Variants in MICU2 observed in about 807,000 individuals in gnomAD.
MICU2 encodes the protein calcium uptake protein 2, mitochondrial.
MICU2 carries 64 observed loss-of-function variants against 60.4 expected under a neutral mutation model. The ratio of observed to expected loss-of-function variants is 1.06; its 90% CI spans 0.87 to 1.31. The LOEUF (loss-of-function observed/expected upper bound fraction) is 1.31. Ranked by LOEUF, MICU2 falls within the 50% of genes most tolerant of loss-of-function variation. The pLI, the probability that MICU2 is intolerant of heterozygous loss-of-function variation, is 0.00. For synonymous variants in MICU2, 201 were observed against 175.0 expected (o/e 1.15, Z -1.17); for missense variants, 569 against 531.0 (o/e 1.07, Z -0.70).
chr13:21,588,071 G>C (rs1888497874), intron 1 of MICU2, among the ~76,000 whole-genome samples: 1 of 152,110 alleles, frequency 6.6e-6, no homozygotes, highest in Non-Finnish European at 1.5e-5. Context: ...CCCCGATGTA[G>C]AGCTTTTATG....
rs1394229203 is a variant in MICU2, at chr13:21,604,070, G to A, written c.79C>T (p.Gln27Ter). The change falls in exon 1 of 12, where the codon CAG becomes TAG. Residue 27 changes from glutamine to a stop codon, truncating the protein, a stop_gained. Transcript: ENST00000382374. LOFTEE classifies it high-confidence loss of function. ...KLRRGLAVSRQAVRSPGPLAA... is the reference protein window; with the variant it reads ...KLRRGLAVSR Reference sequence around the variant, plus strand: ...AAGGGGCCGGGACTCCGCACAGCCTGTCGGCTGACAGCGAGCCCCCGTCGC... The same window carrying A: ...AAGGGGCCGGGACTCCGCACAGCCTATCGGCTGACAGCGAGCCCCCGTCGC... The A allele has an allele frequency of 6.2e-7, 1 of 1,602,018 alleles. No homozygotes were observed.
chr13:21,541,813 C>T (rs1004345721), intron 2 of MICU2, among the ~76,000 whole-genome samples: 12 of 152,074 alleles, frequency 7.9e-5, no homozygotes, highest in African/African-American at 2.7e-4. Context: ...AGTTTTGCTG[C>T]TTTTCATTAT....
At chr13:21,556,220 A>G (rs1419123883) in intron 2 of MICU2, among the ~76,000 whole-genome samples, 1 of 152,176 alleles carries the variant, frequency 6.6e-6, no homozygotes, top group Non-Finnish European at 1.5e-5. Context: ...GCCAAATCTA[A>G]TGGTCAATTC....
chr13:21,564,804 T>C (rs887701075), intron 2 of MICU2, among the ~76,000 whole-genome samples: 4 of 152,212 alleles, frequency 2.6e-5, no homozygotes, highest in Non-Finnish European at 5.9e-5. Context: ...AGATCTTCAC[T>C]GTGAGAACCT....
At chr13:21,498,369 CTTTTTTTTTTTTTTTTT>C (rs34890922) in intron 9 of MICU2, among the ~76,000 whole-genome samples, 2,264 of 78,754 alleles carry the variant, frequency 0.029, 94 homozygotes, top group African/African-American at 0.12. Context: ...ATATCCTATT[CTTTTTTTTTTTTTTTTT>C]TTTTTTTTTT....
chr13:21,525,913 C>CTTATTTAT lies in MICU2; in HGVS notation c.467-3271_467-3264dup, dbSNP rs60527711. Among the ~76,000 whole-genome samples the CTTATTTAT allele has an allele frequency of 8.7e-3, 1,258 of 144,300 alleles. 19 individuals carry two copies. Among genetic ancestry groups the CTTATTTAT allele is most frequent in the African/African-American group, 0.028 (1,095 of 39,056 alleles). The allele number at this position is 144,300 out of a possible 152,430, so 94.7% of individuals were successfully genotyped here. A position where few individuals can be genotyped will look rare whatever the true frequency, so the allele number is the denominator to read the frequency against. ...CAAATGTTCTTAATTGTGATGTAGT[C>CTTATTTAT]TTATTTATTTATTTATTTATTTATT... On this transcript the variant is annotated intron_variant, in intron 4 of 11. Coordinates refer to ENST00000382374, the MANE Select transcript of MICU2 (RefSeq NM_152726.3).
Position 21,495,141 on chromosome 13 carries a change from A to G in MICU2, c.1200+20T>C. ...GTTAATGACAATGTAAACATGTATT[A>G]TATAAAAAAAATCTGTTACCCATAA... is the stretch of plus-strand genomic sequence containing the variant. On this transcript the variant is annotated intron_variant, in intron 11 of 11. Transcript: ENST00000382374. The G allele has an allele frequency of 6.3e-7, 1 of 1,583,766 alleles. No individual in the cohort carries two copies. Among genetic ancestry groups the G allele is most frequent in the Non-Finnish European group, 8.6e-7 (1 of 1,167,136 alleles).
chr13:21,597,930 CAAAA>C (rs11428461), intron 1 of MICU2, among the ~76,000 whole-genome samples: 2,576 of 84,688 alleles, frequency 0.03, 48 homozygotes, highest in African/African-American at 0.1. Flanking sequence ...GACTCTGTCT[CAAAA>C]AAAAAAAAAA....
At chr13:21,551,430 T>C (rs1187843175) in intron 2 of MICU2, 1 of 152,190 alleles carries the variant, frequency 6.6e-6, no homozygotes, top group African/African-American at 2.4e-5. Context: ...TTTTTAAAAT[T>C]ATTTTATTTT....
chr13:21,599,105 A>G (rs1888760270), intron 1 of MICU2, among the ~76,000 whole-genome samples: 1 of 152,214 alleles, frequency 6.6e-6, no homozygotes, highest in Non-Finnish European at 1.5e-5. Context: ...CAACAGTTGC[A>G]TCCCAAAACC....
chr13:21,504,878 T>G (rs1375151538), intron 8 of MICU2, among the ~76,000 whole-genome samples: 1 of 152,202 alleles, frequency 6.6e-6, no homozygotes, highest in Admixed American at 6.5e-5. Context: ...AAATCAAGGC[T>G]GTTTTTCCTG....
chr13:21,554,560 A>G (rs1283197934), intron 2 of MICU2, among the ~76,000 whole-genome samples: 3 of 152,196 alleles, frequency 2.0e-5, no homozygotes, highest in African/African-American at 4.8e-5. Context: ...TATAGCACAA[A>G]ATGCCCACAA....
At chr13:21,599,356 A>C (rs1393039270) in intron 1 of MICU2, among the ~76,000 whole-genome samples, 1 of 152,246 alleles carries the variant, frequency 6.6e-6, no homozygotes, top group Non-Finnish European at 1.5e-5. Flanking sequence ...TTTATAGCAG[A>C]ATGGACTGGA....
At chr13:21,595,229 G>A (rs1438304930) in intron 1 of MICU2, among the ~76,000 whole-genome samples, 2 of 152,122 alleles carry the variant, frequency 1.3e-5, no homozygotes, top group African/African-American at 2.4e-5. Context: ...TTCTTTGCTT[G>A]GTGATACTAG....
chr13:21,517,769 G>GGA, intron 6 of MICU2, among the ~76,000 whole-genome samples: 1 of 128,806 alleles, frequency 7.8e-6, no homozygotes, highest in African/African-American at 3.4e-5. Flanking sequence ...GACAGAGCGA[G>GGA]GACACACACA....
chr13:21,522,892 G>A (rs576225936), intron 4 of MICU2, among the ~76,000 whole-genome samples: 3 of 152,306 alleles, frequency 2.0e-5, no homozygotes, highest in African/African-American at 7.2e-5. Flanking sequence ...GTGTCAGTTT[G>A]ACTGTGTCAC....
intron 4 of MICU2, among the ~76,000 whole-genome samples, chr13:21,526,354 AT>A (rs1252179774): frequency 3.3e-5 from 5 of 152,052 alleles, no homozygotes; most frequent in Non-Finnish European, 7.4e-5. Context: ...CATTGGTCCC[AT>A]AAAATTTCTA....
At chr13:21,560,999 C>A (rs1196904360) in intron 2 of MICU2, among the ~76,000 whole-genome samples, 1 of 152,222 alleles carries the variant, frequency 6.6e-6, no homozygotes, top group Non-Finnish European at 1.5e-5. Flanking sequence ...GCCAGCTTCA[C>A]TTTCATTGGT....
chr13:21,523,772 GT>G (rs1410696382), intron 4 of MICU2, among the ~76,000 whole-genome samples: 1 of 152,188 alleles, frequency 6.6e-6, no homozygotes, highest in Non-Finnish European at 1.5e-5. Context: ...CTCATGAGTA[GT>G]ACAGCAGGAT....
Sources: allele counts gnomAD v4.1 joint callset (sites outside exome capture counted in the v4.1 genomes callset), GRCh38; gene constraint gnomAD v4.1.1; transcripts MANE v1.5; gene names NCBI Gene and HGNC (gene_info 2026-07-23, HGNC 2026-07-21).